AHCYL2: variants seen among roughly 807,000 people sequenced by gnomAD.
AHCYL2 encodes adenosylhomocysteinase like 2, also known as S-adenosylhomocysteine hydrolase-like protein 2.
A neutral mutation model predicts 81.4 loss-of-function variants in AHCYL2; 28 were observed. That is an observed-to-expected ratio of 0.34 (90% CI 0.25 to 0.47). AHCYL2 has a LOEUF of 0.47. Ranked by LOEUF, AHCYL2 falls within the 20% of genes least tolerant of loss-of-function variation. AHCYL2 has a pLI of 1.00. For missense variants in AHCYL2, 551 were observed against 785.1 expected (o/e 0.70, Z 3.56); for synonymous variants, 272 against 290.2 (o/e 0.94, Z 0.64).
chr7:129,425,214 C>A, intron 15 of AHCYL2, 73 bp downstream of exon 15: 1 of 1,361,770 alleles, frequency 7.3e-7, no homozygotes, highest in Non-Finnish European at 1.0e-6. Context: ...AGTTTGGGGG[C>A]ATTAACTTAC....
Position 129,239,554 on chromosome 7 carries a change from C to T in AHCYL2, c.363+14115C>T, listed in dbSNP as rs534188999. ...CTCAAACTGCTGGGCTCAAGCAGTCCTCCTGCCTTAGCCTCCTGAGTAGCT... is the reference window on the plus strand; with the variant it reads ...CTCAAACTGCTGGGCTCAAGCAGTCTTCCTGCCTTAGCCTCCTGAGTAGCT... On this transcript the variant is annotated intron_variant, in intron 1 of 16. Coordinates refer to ENST00000325006, the MANE Select transcript of AHCYL2 (RefSeq NM_015328.4). Among the ~76,000 whole-genome samples, 9 of 152,046 alleles carry T rather than the reference C, an allele frequency of 5.9e-5. No individual in the cohort carries two copies. In the East Asian group the frequency reaches 1.5e-3, roughly 26 times the overall value.
chr7:129,341,431 G>GCCTCTACCCT (rs1793175370), intron 1 of AHCYL2, among the ~76,000 whole-genome samples: 2 of 152,202 alleles, frequency 1.3e-5, no homozygotes, highest in Admixed American at 6.5e-5. Flanking sequence ...TAGAGGAAAG[G>GCCTCTACCCT]TGGATGTGGG....
intron 4 of AHCYL2, 102 bp downstream of exon 4, chr7:129,389,836 G>A (rs1392241194): frequency 1.1e-6 from 1 of 899,524 alleles, no homozygotes; most frequent in Non-Finnish European, 1.6e-6. Flanking sequence ...AGCTTAACAA[G>A]TATTAGCTTA....
At chr7:129,417,589 GTTC>G (rs1796918529) in intron 12 of AHCYL2, among the ~76,000 whole-genome samples, 2 of 152,176 alleles carry the variant, frequency 1.3e-5, no homozygotes, top group South Asian at 2.1e-4. Flanking sequence ...TTCTCTTTGT[GTTC>G]TTCTTGGCGG....
At chr7:129,326,303 G>A (rs1798222315) in intron 1 of AHCYL2, among the ~76,000 whole-genome samples, 1 of 152,056 alleles carries the variant, frequency 6.6e-6, no homozygotes, top group Non-Finnish European at 1.5e-5. Flanking sequence ...GAGGTGAGTG[G>A]ATCACCTGAG....
intron 1 of AHCYL2, among the ~76,000 whole-genome samples, chr7:129,378,935 C>T (rs1375564607): frequency 6.6e-6 from 1 of 152,058 alleles, no homozygotes; most frequent in Non-Finnish European, 1.5e-5. Flanking sequence ...CAGAATATCC[C>T]ATTCTCTATT....
At position 129,297,651 on chromosome 7, in the gene AHCYL2, A is replaced by G. The variant is rs541361662; in HGVS notation, c.363+72212A>G. Among the ~76,000 whole-genome samples the G allele has an allele frequency of 3.3e-5, 5 of 152,328 alleles. No individual in the cohort carries two copies. In the East Asian group the frequency reaches 9.6e-4, roughly 29 times the overall value. On this transcript the variant is annotated intron_variant, in intron 1 of 16. Transcript: ENST00000325006. Reference sequence around the variant, plus strand: ...ACTTTTTTCTTGTTTATAAAATGAGAAAAATTTTTGAGAAGAATTTTTTTT... The same window carrying G: ...ACTTTTTTCTTGTTTATAAAATGAGGAAAATTTTTGAGAAGAATTTTTTTT...
At chr7:129,425,446 TAAAAG>T (rs981093150) in intron 15 of AHCYL2, among the ~76,000 whole-genome samples, 1 of 152,140 alleles carries the variant, frequency 6.6e-6, no homozygotes, top group Non-Finnish European at 1.5e-5. Context: ...AATCTTCCCT[TAAAAG>T]AGAAGAATCA....
At chr7:129,385,898 G>C (rs1469727131) in intron 2 of AHCYL2, among the ~76,000 whole-genome samples, 1 of 152,068 alleles carries the variant, frequency 6.6e-6, no homozygotes, top group Non-Finnish European at 1.5e-5. Context: ...AATTTTCCTA[G>C]GAACAGTCCT....
chr7:129,394,172 C>T (rs961446108), intron 4 of AHCYL2, among the ~76,000 whole-genome samples: 4 of 151,824 alleles, frequency 2.6e-5, no homozygotes, highest in African/African-American at 4.8e-5. Flanking sequence ...CTATGCCTGG[C>T]TAATTTTTTT....
intron 1 of AHCYL2, among the ~76,000 whole-genome samples, chr7:129,373,599 CAA>C (rs113448711): frequency 7.2e-6 from 1 of 138,892 alleles, no homozygotes; most frequent in Non-Finnish European, 1.6e-5. Flanking sequence ...GACTCAGTCT[CAA>C]AAAAAAAAAC....
chr7:129,421,251 C>A (rs79343379), intron 12 of AHCYL2, among the ~76,000 whole-genome samples: 122 of 136,986 alleles, frequency 8.9e-4, no homozygotes, highest in African/African-American at 9.6e-4. Flanking sequence ...GACTCCATCT[C>A]AAAAAAAAAA....
intron 10 of AHCYL2, among the ~76,000 whole-genome samples, chr7:129,407,257 T>C (rs747782243): frequency 6.6e-6 from 1 of 152,126 alleles, no homozygotes; most frequent in Non-Finnish European, 1.5e-5. Flanking sequence ...GAGGCTGAAG[T>C]ATGAGTATCA....
At chr7:129,423,821 C>T (rs1056820106) in intron 13 of AHCYL2, among the ~76,000 whole-genome samples, 1 of 152,044 alleles carries the variant, frequency 6.6e-6, no homozygotes, top group African/African-American at 2.4e-5. Context: ...CTCATCTTCT[C>T]AGATACTTCA....
At chr7:129,334,029 T>A (rs186253919) in intron 1 of AHCYL2, among the ~76,000 whole-genome samples, 1 of 152,328 alleles carries the variant, frequency 6.6e-6, no homozygotes, top group East Asian at 1.9e-4. Context: ...AAGTTTCCTC[T>A]TTTTATAGCT....
At chr7:129,386,910 T>G (rs1003100378) in intron 2 of AHCYL2, among the ~76,000 whole-genome samples, 2 of 152,318 alleles carry the variant, frequency 1.3e-5, no homozygotes, top group Non-Finnish European at 2.9e-5. Context: ...ATTCAAAATC[T>G]TAAAGCTGAG....
At chr7:129,263,556 T>G (rs993306759) in intron 1 of AHCYL2, among the ~76,000 whole-genome samples, 1 of 152,168 alleles carries the variant, frequency 6.6e-6, no homozygotes, top group African/African-American at 2.4e-5. Flanking sequence ...TGAAGTAGCT[T>G]GAGGGAATAA....
At chr7:129,298,460 C>T (rs1359247323) in intron 1 of AHCYL2, among the ~76,000 whole-genome samples, 2 of 152,162 alleles carry the variant, frequency 1.3e-5, no homozygotes, top group Non-Finnish European at 2.9e-5. Context: ...ACCTGCTGGC[C>T]GCAATTCACT....
intron 1 of AHCYL2, among the ~76,000 whole-genome samples, chr7:129,280,629 G>T (rs1796402112): frequency 6.6e-6 from 1 of 151,664 alleles, no homozygotes; most frequent in African/African-American, 2.4e-5. Flanking sequence ...GTACTTTTCA[G>T]ATGATCCCAT....
Sources: gnomAD v4.1 joint callset for allele counts (sites outside exome capture counted in the v4.1 genomes callset) on GRCh38, gnomAD v4.1.1 for gene constraint, MANE v1.5 for transcripts, NCBI Gene and HGNC (gene_info 2026-07-23, HGNC 2026-07-21) for gene names.